CNBD1: variants seen among roughly 807,000 people sequenced by gnomAD.
CNBD1 encodes the protein cyclic nucleotide-binding domain-containing protein 1.
Under a neutral mutation model 54.4 loss-of-function variants are expected in CNBD1, and 71 were observed. That is an observed-to-expected ratio of 1.30 (90% CI 1.08 to 1.59). The LOEUF (loss-of-function observed/expected upper bound fraction) is 1.59. Ranked by LOEUF, CNBD1 falls within the 40% of genes most tolerant of loss-of-function variation. CNBD1 has a pLI of 0.00. For synonymous variants in CNBD1, 182 were observed against 170.7 expected, an observed-to-expected ratio of 1.07 and a Z score of -0.51; for missense variants, 659 against 518.0, an observed-to-expected ratio of 1.27 and a Z score of -2.64.
At position 87,312,717 on chromosome 8, in the gene CNBD1, A is replaced by C. The variant is rs1049466174; in HGVS notation, c.1042+26046A>C. On this transcript the variant is annotated intron_variant, in intron 8 of 10. Coordinates refer to ENST00000518476, the MANE Select transcript of CNBD1 (RefSeq NM_173538.3). Reference sequence around the variant, plus strand: ...AATAGTATTTCGAGGTGTTTTTTTAAAAAACAAATCTAGCACTTTAGAAGA... The same window carrying C: ...AATAGTATTTCGAGGTGTTTTTTTACAAAACAAATCTAGCACTTTAGAAGA... 3.4e-4 allele frequency among the ~76,000 whole-genome samples: 51 copies of C among 151,982 alleles called. 1 individual carries two copies. Among genetic ancestry groups the C allele is most frequent in the African/African-American group, 1.1e-3 (45 of 41,412 alleles).
intron 4 of CNBD1, among the ~76,000 whole-genome samples, chr8:87,202,989 T>A (rs932276374): frequency 1.3e-5 from 2 of 152,072 alleles, no homozygotes; most frequent in African/African-American, 2.4e-5. Context: ...TCACAAAAAA[T>A]TTTTGACCAT....
Position 87,351,791 on chromosome 8 carries a change from A to T in CNBD1, c.1149A>T (p.Lys383Asn), listed in dbSNP as rs1810302042. 6.7e-7 allele frequency: 1 copy of T among 1,488,652 alleles called. No individual in the cohort carries two copies. The highest frequency in any genetic ancestry group is 1.4e-5 in the South Asian group (1 of 71,908). The allele number at this position is 1,488,652 out of a possible 1,614,324, so 92.2% of individuals were successfully genotyped here. Residue 383 changes from lysine (K) to asparagine (N), a missense_variant, in exon 9 of 11, where the codon AAA becomes AAT. By Grantham distance (94) the Lys-to-Asn change is moderately conservative. Coordinates refer to ENST00000518476, the MANE Select transcript of CNBD1 (RefSeq NM_173538.3). ...IIGFVKLRSNKVKRSQKLVYM... is the reference protein window; with the variant it reads ...IIGFVKLRSNNVKRSQKLVYM... ...GATTTGTGAAACTACGATCAAATAA[A>T]GTGGTAAGTTTTCAACATGTATTCT...
intron 3 of CNBD1, among the ~76,000 whole-genome samples, chr8:86,932,600 G>GAAAAGGTC (rs1288734482): frequency 6.6e-6 from 1 of 152,170 alleles, no homozygotes; most frequent in Non-Finnish European, 1.5e-5. Context: ...CCCTCTTACA[G>GAAAAGGTC]AAAAGGTCAA....
chr8:87,150,137 A>G (rs922201079), intron 4 of CNBD1, among the ~76,000 whole-genome samples: 2 of 152,188 alleles, frequency 1.3e-5, no homozygotes, highest in African/African-American at 2.4e-5. Context: ...AGATGGCACC[A>G]CTGCACGCCA....
At chr8:87,242,751 T>C (rs550123582) in intron 6 of CNBD1, among the ~76,000 whole-genome samples, 18 of 152,352 alleles carry the variant, frequency 1.2e-4, no homozygotes, top group Admixed American at 3.3e-4. Flanking sequence ...GTCATTTATA[T>C]TTGGCTCAGA....
chr8:87,011,386 T>G (rs1440088975), intron 4 of CNBD1, among the ~76,000 whole-genome samples: 1 of 152,176 alleles, frequency 6.6e-6, no homozygotes, highest in Admixed American at 6.5e-5. Context: ...TAGTTTCCAC[T>G]TGGCAGCATT....
At chr8:87,363,168 G>C (rs750532375) in intron 10 of CNBD1, among the ~76,000 whole-genome samples, 1 of 152,008 alleles carries the variant, frequency 6.6e-6, no homozygotes, top group African/African-American at 2.4e-5. Context: ...CCATGTCCCT[G>C]CAAAGGACAT....
chr8:87,301,458 G>C (rs1237410370), intron 8 of CNBD1, among the ~76,000 whole-genome samples: 2 of 145,286 alleles, frequency 1.4e-5, no homozygotes, highest in Non-Finnish European at 3.1e-5. Context: ...TAAAATATTT[G>C]CTAACTAAAT....
intron 4 of CNBD1, among the ~76,000 whole-genome samples, chr8:87,171,448 TA>T (rs199530874): frequency 6.0e-5 from 9 of 151,046 alleles, no homozygotes; most frequent in Admixed American, 2.6e-4. Flanking sequence ...ATTTTATCTT[TA>T]AAAAAAAACC....
intron 4 of CNBD1, among the ~76,000 whole-genome samples, chr8:87,104,520 G>A (rs749703162): frequency 3.3e-5 from 5 of 152,290 alleles, no homozygotes; most frequent in African/African-American, 9.6e-5. Context: ...AGTGATTGAG[G>A]TGGAGGCAGA....
At chr8:87,305,116 C>A (rs573985067) in intron 8 of CNBD1, among the ~76,000 whole-genome samples, 1 of 151,980 alleles carries the variant, frequency 6.6e-6, no homozygotes, top group African/African-American at 2.4e-5. Flanking sequence ...CCAACAATGA[C>A]TAAGTGAAGA....
At chr8:87,394,408 A>G (rs1025409507) in intron 2 of CNBD1, among the ~76,000 whole-genome samples, 3 of 151,840 alleles carry the variant, frequency 2.0e-5, no homozygotes, top group Non-Finnish European at 4.4e-5. Context: ...ACACGAACCA[A>G]CTTATCCTGA....
intron 3 of CNBD1, among the ~76,000 whole-genome samples, chr8:86,916,813 C>A (rs1019623155): frequency 2.0e-4 from 30 of 151,802 alleles, no homozygotes; most frequent in Admixed American, 5.3e-4. Flanking sequence ...AAGCCATTCT[C>A]CTGCCTCATC....
At chr8:87,399,851 G>C (rs1033408519) in intron 2 of CNBD1, among the ~76,000 whole-genome samples, 6 of 151,950 alleles carry the variant, frequency 3.9e-5, no homozygotes, top group African/African-American at 1.4e-4. Context: ...CTGAACTAGA[G>C]TAACCCAGAA....
intron 4 of CNBD1, among the ~76,000 whole-genome samples, chr8:87,036,594 TAAAAA>T (rs58299323): frequency 3.1e-5 from 2 of 64,744 alleles, no homozygotes; most frequent in Admixed American, 4.9e-4. Flanking sequence ...ACTGCATCTC[TAAAAA>T]AAAAAAAAAA....
chr8:86,970,774 A>G (rs1808202083), intron 4 of CNBD1, among the ~76,000 whole-genome samples: 1 of 152,168 alleles, frequency 6.6e-6, no homozygotes, highest in Non-Finnish European at 1.5e-5. Flanking sequence ...ATGTTGTTGC[A>G]AAGGACATGG....
intron 8 of CNBD1, among the ~76,000 whole-genome samples, chr8:87,343,723 T>TA (rs927994529): frequency 2.6e-5 from 4 of 152,184 alleles, no homozygotes; most frequent in Non-Finnish European, 4.4e-5. Flanking sequence ...GTAATCATTT[T>TA]AAAAAATATT....
At chr8:87,049,941 G>A (rs1156272701) in intron 4 of CNBD1, among the ~76,000 whole-genome samples, 1 of 152,180 alleles carries the variant, frequency 6.6e-6, no homozygotes, top group Non-Finnish European at 1.5e-5. Flanking sequence ...CAGACTGCTG[G>A]GATGGACCTT....
intron 6 of CNBD1, among the ~76,000 whole-genome samples, chr8:87,240,652 A>G (rs1452483636): frequency 1.3e-5 from 2 of 152,158 alleles, no homozygotes; most frequent in Non-Finnish European, 1.5e-5. Flanking sequence ...CTTACTTTGC[A>G]TACTCTTTTA....
Sources: gnomAD v4.1 joint callset for allele counts (sites outside exome capture counted in the v4.1 genomes callset) on GRCh38, gnomAD v4.1.1 for gene constraint, MANE v1.5 for transcripts, NCBI Gene and HGNC (gene_info 2026-07-23, HGNC 2026-07-21) for gene names.